Variants in CDKN2B-AS1 observed in about 807,000 individuals in gnomAD.
CDKN2B-AS1 encodes the protein CDKN2B antisense RNA 1 (non-protein coding).
chr9:22,035,151 C>A (rs1007985553), intron 1 of CDKN2B-AS1, among the ~76,000 whole-genome samples: 1 of 148,426 alleles, frequency 6.7e-6, no homozygotes, highest in East Asian at 2.0e-4. Flanking sequence ...AAACATTTAT[C>A]TTTTTTTTTT....
intron 1 of CDKN2B-AS1, among the ~76,000 whole-genome samples, chr9:22,042,544 A>T (rs1014748984): frequency 6.6e-6 from 1 of 152,064 alleles, no homozygotes; most frequent in African/African-American, 2.4e-5. Context: ...GTGAGTCAAG[A>T]ATAAATCCCA....
At chr9:22,089,334 A>G (rs1587514809) in intron 4 of CDKN2B-AS1, among the ~76,000 whole-genome samples, 1 of 152,260 alleles carries the variant, frequency 6.6e-6, no homozygotes, top group South Asian at 2.1e-4. Context: ...ACAATTATTT[A>G]CATAACAAAT....
At chr9:22,010,886 AG>A (rs1821466134) in intron 1 of CDKN2B-AS1, among the ~76,000 whole-genome samples, 1 of 152,236 alleles carries the variant, frequency 6.6e-6, no homozygotes, top group Admixed American at 6.5e-5. Context: ...TAAATATGTC[AG>A]AAAAATGAAA....
rs189879817 is a variant in CDKN2B-AS1 at position 22,061,317 on chromosome 9, C to T, written n.438+4930C>T. ...TCCTTTACTAGCCAAAATCTGATGA[C>T]ATTTTTTCCTTTACTAGCCAAAAGG... is the stretch of plus-strand genomic sequence containing the variant. On this transcript the variant is annotated intron_variant and non_coding_transcript_variant, in intron 4 of 4. Coordinates refer to ENST00000650946, the Ensembl canonical transcript of CDKN2B-AS1. 2.8e-3 allele frequency among the ~76,000 whole-genome samples: 433 copies of T among 152,250 alleles called. 1 individual carries two copies. Among genetic ancestry groups the T allele is most frequent in the African/African-American group, 9.9e-3 (413 of 41,536 alleles).
At chr9:22,008,623 C>A in intron 1 of CDKN2B-AS1, 1 of 1,571,804 alleles carries the variant, frequency 6.4e-7, no homozygotes, top group Non-Finnish European at 8.6e-7. Context: ...TTCAATGTCT[C>A]TCTTTAGGAT....
chr9:22,006,355 T>C lies in CDKN2B-AS1; in HGVS notation n.29+11194T>C. 6.9e-7 allele frequency: 1 copy of C among 1,459,340 alleles called. No individual in the cohort carries two copies. The highest frequency in any genetic ancestry group is 1.9e-5 in the Admixed American group (1 of 52,666). The allele number at this position is 1,459,340 out of a possible 1,614,324, so 90.4% of individuals were successfully genotyped here. A position where few individuals can be genotyped will look rare whatever the true frequency, so the allele number is the denominator to read the frequency against. On this transcript the variant is annotated intron_variant and non_coding_transcript_variant, in intron 1 of 4. Transcript: ENST00000650946. This position sits in a 1 kb window ranked among gnomAD's most constrained non-coding sequence, Gnocchi z 6.4. ...TTAAAGAAACACCTAATTGCAAAGTTTTCACCCAGTGCAGAGGTGTTCAGG... is the reference window on the plus strand; with the variant it reads ...TTAAAGAAACACCTAATTGCAAAGTCTTCACCCAGTGCAGAGGTGTTCAGG...
chr9:22,062,986 C>CACACACACATAT (rs374229516), intron 4 of CDKN2B-AS1, among the ~76,000 whole-genome samples: 138 of 136,812 alleles, frequency 1.0e-3, no homozygotes, highest in African/African-American at 2.7e-3. Flanking sequence ...GACACACACA[C>CACACACACATAT]ATATATATAT....
chr9:22,001,607 A>G lies in CDKN2B-AS1; in HGVS notation n.29+6446A>G, dbSNP rs576668716. Among the ~76,000 whole-genome samples the G allele has an allele frequency of 5.1e-4, 77 of 152,094 alleles. No homozygotes were observed. Among genetic ancestry groups the G allele is most frequent in the Admixed American group, 1.8e-3 (27 of 15,268 alleles). ...ATTAGTGGCACTAGTATTAGTTCAT[A>G]TTTTCTTTTATTATGTAATTAATAG... is the stretch of plus-strand genomic sequence containing the variant. On this transcript the variant is annotated intron_variant and non_coding_transcript_variant, in intron 1 of 4. Transcript: ENST00000650946. This position sits in a 1 kb window ranked among gnomAD's most constrained non-coding sequence, Gnocchi z 4.2.
At chr9:22,068,397 G>T (rs564702279) in intron 4 of CDKN2B-AS1, among the ~76,000 whole-genome samples, 1 of 152,214 alleles carries the variant, frequency 6.6e-6, no homozygotes, top group East Asian at 1.9e-4. Context: ...AATATCACTG[G>T]GGAATTTGGA....
chr9:22,094,395 T>TAATA (rs1825204379), intron 4 of CDKN2B-AS1, among the ~76,000 whole-genome samples: 1 of 144,628 alleles, frequency 6.9e-6, no homozygotes, highest in Non-Finnish European at 1.5e-5. Flanking sequence ...TTCTCCTGGA[T>TAATA]AATATCCTGC....
At chr9:22,022,365 G>A (rs1822051988) in intron 1 of CDKN2B-AS1, among the ~76,000 whole-genome samples, 1 of 151,988 alleles carries the variant, frequency 6.6e-6, no homozygotes, top group Admixed American at 6.6e-5. Context: ...ATTTAGGATA[G>A]TTAGATTTTC....
chr9:22,078,927 C>G (rs1174398342), intron 4 of CDKN2B-AS1, among the ~76,000 whole-genome samples: 2 of 152,188 alleles, frequency 1.3e-5, no homozygotes, highest in Non-Finnish European at 2.9e-5. Context: ...AGGAGCATTA[C>G]TAAACGGCAC....
chr9:22,005,539 ACTC>A lies in CDKN2B-AS1; in HGVS notation n.29+10382_29+10384del. Reference sequence around the variant, plus strand: ...GGGCCTAAGTTGTGGGTTCACCATAACTCCTCAGCAGACATTGGAGTGAACGCA... The same window carrying A: ...GGGCCTAAGTTGTGGGTTCACCATAACTCAGCAGACATTGGAGTGAACGCA... On this transcript the variant is annotated intron_variant and non_coding_transcript_variant, in intron 1 of 4. Coordinates refer to ENST00000650946, the Ensembl canonical transcript of CDKN2B-AS1. The surrounding 1 kb of genome is among the most constrained non-coding windows in gnomAD (Gnocchi z 4.9). The A allele has an allele frequency of 3.0e-6, 1 of 333,256 alleles. No homozygotes were observed. The highest frequency in any genetic ancestry group is 5.6e-6 in the Non-Finnish European group (1 of 178,796). 20.6% of individuals were successfully genotyped at this position (333,256 alleles called of 1,614,324 possible).
intron 1 of CDKN2B-AS1, among the ~76,000 whole-genome samples, chr9:22,021,150 G>C (rs1470780601): frequency 6.6e-6 from 1 of 152,136 alleles, no homozygotes; most frequent in African/African-American, 2.4e-5. Context: ...TCCATTGCTT[G>C]TTTTTGTCAG....
At chr9:22,008,800 G>T in intron 1 of CDKN2B-AS1, 1 of 1,605,402 alleles carries the variant, frequency 6.2e-7, no homozygotes, top group Non-Finnish European at 8.5e-7. Context: ...CCAGCTACCT[G>T]GATCGCGCGC....
At chr9:22,115,718 GCTTGGATCACATGGA>G (rs958333063) in intron 4 of CDKN2B-AS1, among the ~76,000 whole-genome samples, 2 of 152,106 alleles carry the variant, frequency 1.3e-5, no homozygotes, top group Non-Finnish European at 2.9e-5. Flanking sequence ...GTGATTATCA[GCTTGGATCACATGGA>G]CTTGGGGATT....
At chr9:22,059,611 T>G (rs1027877398) in intron 4 of CDKN2B-AS1, among the ~76,000 whole-genome samples, 6 of 152,232 alleles carry the variant, frequency 3.9e-5, no homozygotes, top group African/African-American at 1.4e-4. Flanking sequence ...CTCTGGGGTC[T>G]GAAGGACGAT....
chr9:22,091,231 C>T (rs1037400023), intron 4 of CDKN2B-AS1, among the ~76,000 whole-genome samples: 17 of 152,116 alleles, frequency 1.1e-4, no homozygotes, highest in Non-Finnish European at 2.2e-4. Flanking sequence ...TTACTGTAGT[C>T]TTGTAGTATA....
chr9:22,092,925 A>C lies in CDKN2B-AS1; in HGVS notation n.439-34178A>C, dbSNP rs10811654. On this transcript the variant is annotated intron_variant and non_coding_transcript_variant, in intron 4 of 4. Transcript: ENST00000650946. ...TTTTAATTGTGATGTTAGGGTGTCA[A>C]TTTTAGATCTTTGCTCCTTTCTCTT... Among the ~76,000 whole-genome samples the C allele has an allele frequency of 4.6e-5, 7 of 152,002 alleles. No individual in the cohort carries two copies. The East Asian group carries it at 1.4e-3, about 29-fold the overall frequency.
Sources: gnomAD v4.1 joint callset for allele counts (sites outside exome capture counted in the v4.1 genomes callset) on GRCh38, gnomAD v4.1.1 for gene constraint, Gnocchi (gnomAD v3.1) non-coding constraint, MANE v1.5 for transcripts, NCBI Gene and HGNC (gene_info 2026-07-23, HGNC 2026-07-21) for gene names.